Variants in SLC38A11 observed in about 807,000 individuals in gnomAD.
SLC38A11 encodes the protein putative sodium-coupled neutral amino acid transporter 11.
In SLC38A11, 51 loss-of-function variants were observed where a neutral mutation model predicts 49.4. The observed-to-expected ratio is 1.03, with a 90% CI of 0.83 to 1.30. The LOEUF (loss-of-function observed/expected upper bound fraction) is 1.30. SLC38A11 is among the 50% of genes most tolerant of loss of function. The probability of loss-of-function intolerance (pLI) is 0.00; values close to 1 mark genes in which losing one functional copy is unlikely to be tolerated. For synonymous variants in SLC38A11, 203 were observed against 192.9 expected, an observed-to-expected ratio of 1.05 and a Z score of -0.43; for missense variants, 574 against 556.2, an observed-to-expected ratio of 1.03 and a Z score of -0.32.
intron 5 of SLC38A11, among the ~76,000 whole-genome samples, chr2:164,943,494 A>G (rs2105507717): frequency 6.6e-6 from 1 of 152,318 alleles, no homozygotes; most frequent in East Asian, 1.9e-4. Flanking sequence ...AGCCAGACTC[A>G]AAAAAGCTAC....
At chr2:164,907,638 T>C (rs11890866) in intron 11 of SLC38A11, among the ~76,000 whole-genome samples, 8,202 of 152,240 alleles carry the variant, frequency 0.054, 257 homozygotes, top group Admixed American at 0.09. Context: ...TCCTTTCTTA[T>C]TGCATTCATC....
intron 9 of SLC38A11, among the ~76,000 whole-genome samples, chr2:164,913,970 C>G (rs1685584282): frequency 6.6e-6 from 1 of 151,978 alleles, no homozygotes; most frequent in African/African-American, 2.4e-5. Flanking sequence ...AATAAGGCAG[C>G]CATCCTCCCA....
intron 7 of SLC38A11, among the ~76,000 whole-genome samples, chr2:164,933,310 T>C (rs6432805): frequency 0.75 from 113,648 of 151,782 alleles, 42,931 homozygotes; most frequent in East Asian, 1. Flanking sequence ...ACTGTTATTG[T>C]ATTTTTATAC....
intron 7 of SLC38A11, 47 bp downstream of exon 7, chr2:164,937,303 G>A: frequency 8.3e-7 from 1 of 1,202,812 alleles, no homozygotes; most frequent in Non-Finnish European, 1.2e-6. Context: ...AAATATCTAT[G>A]TGGAGGCTAT....
Position 164,952,425 on chromosome 2 carries a change from T to C in SLC38A11, c.229+282A>G, listed in dbSNP as rs376608366. On this transcript the variant is annotated intron_variant, in intron 3 of 11. Coordinates refer to ENST00000685975, the MANE Select transcript of SLC38A11 (RefSeq NM_001351537.2). ...TCTTAGCCTTAATGAAGCTTTAAAA[T>C]GACTTCCCCATCTACTACTTTCTGC... Among the ~76,000 whole-genome samples the C allele has an allele frequency of 2.8e-4, 43 of 152,296 alleles. No homozygotes were observed. In the East Asian group the frequency reaches 5.0e-3, roughly 18 times the overall value.
In SLC38A11 at chr2:164,954,696, T is replaced by C. The variant is rs1688734290; in HGVS notation, c.89A>G (p.Glu30Gly). 6.5e-7 allele frequency: 1 copy of C among 1,544,222 alleles called. No homozygotes were observed. Among genetic ancestry groups the C allele is most frequent in the Non-Finnish European group, 8.7e-7 (1 of 1,143,296 alleles). ...AAGAGCAGCAGACTGACAGGTTTTC[T>C]CTTTATACTCATGTTCAGAAACAAG... is the stretch of plus-strand genomic sequence containing the variant. ...ETLVSEHEYK[E>G]KTCQSAALFN... is the part of the protein sequence containing the mutation. Residue 30 changes from glutamate to glycine, a missense_variant, in exon 2 of 12, where the codon GAG becomes GGG. Transcript: ENST00000685975.
rs1161074416 is a variant in SLC38A11, at chr2:164,915,151, C to G, written c.811G>C (p.Ala271Pro). 2 of 1,609,964 alleles carry G rather than the reference C, an allele frequency of 1.2e-6. No individual in the cohort carries two copies. Among genetic ancestry groups the G allele is most frequent in the African/African-American group, 2.7e-5 (2 of 74,704 alleles). Residue 271 changes from alanine to proline, a missense_variant, in exon 9 of 12, where the codon GCT (alanine) becomes CCT (proline). Physicochemically the swap from Ala to Pro is conservative, Grantham distance 27. Coordinates refer to ENST00000685975, the MANE Select transcript of SLC38A11 (RefSeq NM_001351537.2). ...GTAAATGTCAAGTATCCACATGTAG[C>G]AAAGAATATACAGATAAATACAGAA... ...VISVFICIFF[A>P]TCGYLTFTGF...
At chr2:164,914,965 G>T in intron 9 of SLC38A11, 147 bp downstream of exon 9, 1 of 636,662 alleles carries the variant, frequency 1.6e-6, no homozygotes, top group Non-Finnish European at 2.4e-6. Flanking sequence ...GAAACAGACA[G>T]CAGGGGGGCA....
chr2:164,939,661 C>A lies in SLC38A11; in HGVS notation c.431-105G>T, dbSNP rs941356622. The A allele has an allele frequency of 6.8e-5, 40 of 587,488 alleles. No homozygotes were observed. The African/African-American group carries it at 7.2e-4, about 11-fold the overall frequency. 36.4% of individuals were successfully genotyped at this position (587,488 alleles called of 1,614,324 possible). A position where few individuals can be genotyped will look rare whatever the true frequency, so the allele number is the denominator to read the frequency against. On this transcript the variant is annotated intron_variant, in intron 5 of 11. Coordinates refer to ENST00000685975, the MANE Select transcript of SLC38A11 (RefSeq NM_001351537.2). ...TATAAAAATTACTTAAACATAAATA[C>A]TACCTCAATGACAATAATTTTGAGT...
chr2:164,915,336 A>T, intron 8 of SLC38A11, 63 bp from the exon 9 acceptor site: 2 of 1,437,584 alleles, frequency 1.4e-6, no homozygotes, highest in Non-Finnish European at 1.9e-6. Flanking sequence ...TTTAGTTCTG[A>T]AATTCAGAGA....
In SLC38A11 at chr2:164,945,682, G is replaced by C. The variant is rs781559992; in HGVS notation, c.275C>G (p.Thr92Arg). 2.2e-5 allele frequency: 36 copies of C among 1,611,294 alleles called. No individual in the cohort carries two copies. The highest frequency in any genetic ancestry group is 3.1e-5 in the Non-Finnish European group (36 of 1,179,502). The change falls in exon 4 of 12, where the codon ACA (threonine) becomes AGA (arginine). Residue 92 changes from threonine to arginine, a missense_variant. Coordinates refer to ENST00000685975, the MANE Select transcript of SLC38A11 (RefSeq NM_001351537.2). The stretch of plus-strand genomic sequence containing the variant: ...ATTGACCAAAGACTGGTAGGTATCT[G>C]TTCCAGAGAGGGCCCCTCCTTTTAT... ...LLIKGGALSG[T>R]DTYQSLVNKT... is the part of the protein sequence containing the mutation.
In SLC38A11 at chr2:164,939,615, C is replaced by G. The variant is rs532262485; in HGVS notation, c.431-59G>C. 438 of 1,049,016 alleles carry G rather than the reference C, an allele frequency of 4.2e-4. 4 individuals are homozygous for G. The South Asian group carries it at 5.3e-3, about 13-fold the overall frequency. 65.0% of individuals were successfully genotyped at this position (1,049,016 alleles called of 1,614,324 possible). A position where few individuals can be genotyped will look rare whatever the true frequency, so the allele number is the denominator to read the frequency against. On this transcript the variant is annotated intron_variant, in intron 5 of 11. Transcript: ENST00000685975. ...GTATAAGTAACACATTGGTGACACA[C>G]TAAATAGGCCAGCATTTAATTATAA...
At chr2:164,907,817 T>C (rs954531462) in intron 11 of SLC38A11, 3 of 152,108 alleles carry the variant, frequency 2.0e-5, no homozygotes, top group African/African-American at 7.2e-5. Flanking sequence ...GGACAAAGAA[T>C]AATGGAAAGA....
chr2:164,931,934 G>A (rs187628658), intron 7 of SLC38A11, among the ~76,000 whole-genome samples: 3 of 152,030 alleles, frequency 2.0e-5, no homozygotes, highest in Admixed American at 6.6e-5. Flanking sequence ...GGATCTACTC[G>A]ACCTGAAGAG....
In SLC38A11 at chr2:164,908,731, A is replaced by G; in HGVS notation, c.1004T>C (p.Val335Ala). 6.2e-7 allele frequency: 1 copy of G among 1,611,468 alleles called. No individual in the cohort carries two copies. The highest frequency in any genetic ancestry group is 8.5e-7 in the Non-Finnish European group (1 of 1,178,582). Reference sequence around the variant, plus strand: ...CATCACTGTTACAACAATGTGGAAAACCGATGAAAGATTCCCACCAAAAAA... The same window carrying G: ...CATCACTGTTACAACAATGTGGAAAGCCGATGAAAGATTCCCACCAAAAAA... ...NVFFGGNLSS[V>A]FHIVVTVMVI... Residue 335 changes from valine to alanine, a missense_variant, in exon 11 of 12, where the codon GTT becomes GCT. By Grantham distance (64) the Val-to-Ala change is moderately conservative. Coordinates refer to ENST00000685975, the MANE Select transcript of SLC38A11 (RefSeq NM_001351537.2).
At chr2:164,951,238 A>T (rs1559134716) in intron 3 of SLC38A11, among the ~76,000 whole-genome samples, 1 of 152,186 alleles carries the variant, frequency 6.6e-6, no homozygotes, top group Admixed American at 6.6e-5. Flanking sequence ...CCTGTTTACA[A>T]TGTATGTAAA....
chr2:164,905,038 T>C (rs1684899228), intron 11 of SLC38A11, among the ~76,000 whole-genome samples: 1 of 152,118 alleles, frequency 6.6e-6, no homozygotes, highest in Admixed American at 6.6e-5. Flanking sequence ...TTAATATAGA[T>C]AAAAGGAGAT....
chr2:164,925,916 C>A (rs1475066416), intron 7 of SLC38A11, among the ~76,000 whole-genome samples: 1 of 152,108 alleles, frequency 6.6e-6, no homozygotes, highest in African/African-American at 2.4e-5. Context: ...GGCCATCTAC[C>A]CATATAGTTC....
intron 7 of SLC38A11, among the ~76,000 whole-genome samples, chr2:164,927,767 A>G (rs570858512): frequency 6.6e-6 from 1 of 152,272 alleles, no homozygotes; most frequent in Admixed American, 6.5e-5. Flanking sequence ...TGCACAGGTT[A>G]GGCTAAGGAC....
Sources: allele counts gnomAD v4.1 joint callset (sites outside exome capture counted in the v4.1 genomes callset), GRCh38; gene constraint gnomAD v4.1.1; transcripts MANE v1.5; gene names NCBI Gene and HGNC (gene_info 2026-07-23, HGNC 2026-07-21).